Variants in SGCZ observed in about 807,000 individuals in gnomAD.
The protein encoded by SGCZ is zeta-sarcoglycan.
SGCZ carries 40 observed loss-of-function variants against 41.3 expected under a neutral mutation model. The observed-to-expected ratio is 0.97, with a 90% CI of 0.75 to 1.26. The LOEUF is 1.26. Among genes scored for constraint, SGCZ ranks in the 50% most tolerant of loss-of-function variants. The probability of loss-of-function intolerance (pLI) is 0.00; values close to 1 mark genes in which losing one functional copy is unlikely to be tolerated. For synonymous variants in SGCZ, 206 were observed against 137.5 expected, an observed-to-expected ratio of 1.50 and a Z score of -3.49; for missense variants, 552 against 369.8, an observed-to-expected ratio of 1.49 and a Z score of -4.04.
chr8:15,122,176 C>A (rs1310723581), intron 1 of SGCZ, among the ~76,000 whole-genome samples: 1 of 151,326 alleles, frequency 6.6e-6, no homozygotes, highest in Non-Finnish European at 1.5e-5. Context: ...CCAAACCCTG[C>A]AATATTCAAA....
chr8:14,211,792 T>A (rs1278185841), intron 4 of SGCZ, among the ~76,000 whole-genome samples: 1 of 152,080 alleles, frequency 6.6e-6, no homozygotes, highest in Admixed American at 6.5e-5. Context: ...AGGCCCCTTC[T>A]CCAATTCAAC....
intron 1 of SGCZ, among the ~76,000 whole-genome samples, chr8:15,232,479 A>G (rs957894796): frequency 1.3e-5 from 2 of 151,872 alleles, no homozygotes; most frequent in Non-Finnish European, 2.9e-5. Context: ...CTTCCCACAA[A>G]TGTATTTTTC....
intron 2 of SGCZ, among the ~76,000 whole-genome samples, chr8:14,474,973 C>G (rs1186914432): frequency 6.6e-6 from 1 of 152,078 alleles, no homozygotes; most frequent in Admixed American, 6.6e-5. Flanking sequence ...GTACTGAATG[C>G]CAGAAGAATT....
At chr8:15,005,225 C>T (rs1802561927) in intron 1 of SGCZ, among the ~76,000 whole-genome samples, 1 of 152,068 alleles carries the variant, frequency 6.6e-6, no homozygotes, top group South Asian at 2.1e-4. Context: ...TACCAAAAGG[C>T]ACCATTTAGC....
intron 2 of SGCZ, among the ~76,000 whole-genome samples, chr8:14,326,571 A>T (rs1802124581): frequency 6.6e-6 from 1 of 152,218 alleles, no homozygotes; most frequent in African/African-American, 2.4e-5. Context: ...AATTAAAATT[A>T]GGATGAGAGT....
intron 1 of SGCZ, among the ~76,000 whole-genome samples, chr8:15,086,562 T>A (rs1563495551): frequency 6.6e-6 from 1 of 152,202 alleles, no homozygotes; most frequent in Non-Finnish European, 1.5e-5. Context: ...ATCAGCTAAT[T>A]GACCTGACTT....
chr8:14,399,209 G>T (rs1463277540), intron 2 of SGCZ, among the ~76,000 whole-genome samples: 1 of 152,090 alleles, frequency 6.6e-6, no homozygotes, highest in Admixed American at 6.6e-5. Flanking sequence ...TTAAGTGTCA[G>T]GGTTCCTTGG....
At chr8:14,962,432 C>G (rs1800994206) in intron 1 of SGCZ, among the ~76,000 whole-genome samples, 1 of 151,692 alleles carries the variant, frequency 6.6e-6, no homozygotes. Flanking sequence ...ATCATACACA[C>G]AAGAAAAATG....
At chr8:14,242,894 C>G (rs12675035) in intron 3 of SGCZ, among the ~76,000 whole-genome samples, 151,602 of 152,334 alleles carry the variant, frequency 1, 75,442 homozygotes, top group East Asian at 1. Flanking sequence ...AAATTGAATT[C>G]AACAAAACAT....
At chr8:14,479,752 TTTTTTTTTTA>T (rs1801478675) in intron 2 of SGCZ, among the ~76,000 whole-genome samples, 1 of 66,478 alleles carries the variant, frequency 1.5e-5, no homozygotes, top group African/African-American at 4.5e-5. Context: ...TTTTTTTTTT[TTTTTTTTTTA>T]TTTGAGATGG....
Position 14,953,993 on chromosome 8 carries a change from A to T in SGCZ, c.39+283592T>A, listed in dbSNP as rs74933269. Among the ~76,000 whole-genome samples, 109 of 152,290 alleles carry T rather than the reference A, an allele frequency of 7.2e-4. 1 individual carries two copies. In the East Asian group the frequency reaches 0.017, roughly 24 times the overall value. Reference sequence around the variant, plus strand: ...GTTTAGTTAAGTAAACTCTTTACACAGTTTAAGGAAATTTATATGACAGAT... The same window carrying T: ...GTTTAGTTAAGTAAACTCTTTACACTGTTTAAGGAAATTTATATGACAGAT... On this transcript the variant is annotated intron_variant, in intron 1 of 7. Coordinates refer to ENST00000382080, the MANE Select transcript of SGCZ (RefSeq NM_139167.4).
At chr8:14,445,368 A>C (rs540380238) in intron 2 of SGCZ, among the ~76,000 whole-genome samples, 1 of 152,272 alleles carries the variant, frequency 6.6e-6, no homozygotes, top group African/African-American at 2.4e-5. Context: ...ACCCACACCT[A>C]TCCTTTGCCT....
chr8:15,013,555 C>G lies in SGCZ; in HGVS notation c.39+224030G>C, dbSNP rs942371266. ...CCCTTTATTCCTTCAGTGATTCCTC[C>G]TCTATAGGTATCTAAAAGCTAAATG... On this transcript the variant is annotated intron_variant, in intron 1 of 7. Transcript: ENST00000382080. Among the ~76,000 whole-genome samples the G allele has an allele frequency of 4.9e-4, 75 of 152,124 alleles. 2 individuals are homozygous for G. The highest frequency in any genetic ancestry group is 1.8e-3 in the African/African-American group (73 of 41,484).
chr8:14,386,902 G>C (rs775620110), intron 2 of SGCZ, among the ~76,000 whole-genome samples: 1 of 152,124 alleles, frequency 6.6e-6, no homozygotes, highest in African/African-American at 2.4e-5. Flanking sequence ...GATGAATCTT[G>C]TATTTTGAAT....
chr8:14,605,663 C>T lies in SGCZ; in HGVS notation c.40-50737G>A, dbSNP rs570736810. ...AATTGGTACATTCTAGAATTTCACTCATCATGTTTACTATGAAAGGGAAAC... is the reference window on the plus strand; with the variant it reads ...AATTGGTACATTCTAGAATTTCACTTATCATGTTTACTATGAAAGGGAAAC... On this transcript the variant is annotated intron_variant, in intron 1 of 7. Transcript: ENST00000382080. 9.2e-5 allele frequency among the ~76,000 whole-genome samples: 14 copies of T among 152,238 alleles called. No homozygotes were observed. The South Asian group carries it at 2.7e-3, about 29-fold the overall frequency.
chr8:14,311,098 A>G (rs1801527121), intron 3 of SGCZ, among the ~76,000 whole-genome samples: 2 of 152,150 alleles, frequency 1.3e-5, no homozygotes, highest in South Asian at 4.1e-4. Flanking sequence ...TACAAACATC[A>G]AGTGATTTTG....
At position 15,196,119 on chromosome 8, in the gene SGCZ, G is replaced by A. The variant is rs931562747; in HGVS notation, c.39+41466C>T. On this transcript the variant is annotated intron_variant, in intron 1 of 7. Coordinates refer to ENST00000382080, the MANE Select transcript of SGCZ (RefSeq NM_139167.4). ...TCACCTTGTTAGCCAGGATGGTCTC[G>A]ATCTCCTGACCTCGTGATCCGCCCG... Among the ~76,000 whole-genome samples the A allele has an allele frequency of 2.7e-5, 4 of 150,204 alleles. 1 individual carries two copies. The highest frequency in any genetic ancestry group is 1.3e-4 in the Admixed American group (2 of 15,064).
intron 5 of SGCZ, among the ~76,000 whole-genome samples, chr8:14,156,588 G>T (rs1026662019): frequency 7.9e-5 from 12 of 151,986 alleles, no homozygotes; most frequent in African/African-American, 2.9e-4. Flanking sequence ...CAAACACTTG[G>T]TTTAAAGCAC....
intron 1 of SGCZ, among the ~76,000 whole-genome samples, chr8:15,202,976 G>T (rs1409970092): frequency 6.6e-6 from 1 of 152,034 alleles, no homozygotes; most frequent in Non-Finnish European, 1.5e-5. Context: ...CTGGCATTAT[G>T]GTGGGTGCTT....
Sources: gnomAD v4.1 joint callset for allele counts (sites outside exome capture counted in the v4.1 genomes callset) on GRCh38, gnomAD v4.1.1 for gene constraint, MANE v1.5 for transcripts, NCBI Gene and HGNC (gene_info 2026-07-23, HGNC 2026-07-21) for gene names.